Variants in GOPC observed in about 807,000 individuals in gnomAD.
GOPC encodes the protein Golgi-associated PDZ and coiled-coil motif-containing protein.
A neutral mutation model predicts 51.2 loss-of-function variants in GOPC; 32 were observed. The observed-to-expected ratio is 0.63, with a 90% confidence interval of 0.47 to 0.84. GOPC has a LOEUF of 0.84. Among genes scored for constraint, GOPC ranks in the 40% least tolerant of loss-of-function variants. GOPC has a pLI of 0.00. For missense variants in GOPC, 441 were observed against 555.5 expected (o/e 0.79, Z 2.07); for synonymous variants, 190 against 205.1 (o/e 0.93, Z 0.63).
chr6:117,568,973 GAAATA>G (rs977829979), intron 7 of GOPC, among the ~76,000 whole-genome samples: 7 of 152,244 alleles, frequency 4.6e-5, no homozygotes, highest in East Asian at 3.9e-4. Context: ...ATTCTTGAAA[GAAATA>G]AAATAAAACA....
At chr6:117,597,504 A>G (rs188097430) in intron 1 of GOPC, among the ~76,000 whole-genome samples, 149 of 152,326 alleles carry the variant, frequency 9.8e-4, no homozygotes, top group Middle Eastern at 3.4e-3. Context: ...TACTATTCCA[A>G]TCAATGCCTA....
intron 2 of GOPC, among the ~76,000 whole-genome samples, chr6:117,578,372 C>T (rs527382117): frequency 6.6e-6 from 1 of 152,198 alleles, no homozygotes; most frequent in African/African-American, 2.4e-5. Context: ...TTAGATTAAT[C>T]CTTCTTCCTG....
chr6:117,569,640 A>G lies in GOPC; in HGVS notation c.1009T>C (p.Leu337=), dbSNP rs1195174893. 2.5e-6 allele frequency: 4 copies of G among 1,613,246 alleles called. No individual in the cohort carries two copies. Among genetic ancestry groups the G allele is most frequent in the South Asian group, 1.1e-5 (1 of 90,880 alleles). ...CTTAGGTTAACTCCGTTGACTGCCAAAATAGCATCCCCAACGTGCAGCCCT... is the reference window on the plus strand; with the variant it reads ...CTTAGGTTAACTCCGTTGACTGCCAGAATAGCATCCCCAACGTGCAGCCCT... The part of the protein sequence containing the change: ...CGGLHVGDAI[L]AVNGVNLRDT... Residue 337 remains leucine (L), a synonymous_variant, in exon 7 of 9, where the codon TTG becomes CTG. Coordinates refer to ENST00000368498, the MANE Select transcript of GOPC (RefSeq NM_020399.4).
Position 117,562,543 on chromosome 6 carries a change from A to T in GOPC, c.*711T>A, listed in dbSNP as rs903321012. 1 of 203,312 alleles carries T rather than the reference A, an allele frequency of 4.9e-6. No homozygotes were observed. The highest frequency in any genetic ancestry group is 2.3e-5 in the African/African-American group (1 of 43,656). 12.6% of individuals were successfully genotyped at this position (203,312 alleles called of 1,614,324 possible). A position where few individuals can be genotyped will look rare whatever the true frequency, so the allele number is the denominator to read the frequency against. On this transcript the variant is annotated 3_prime_UTR_variant, in exon 9 of 9. Transcript: ENST00000368498. Reference sequence around the variant, plus strand: ...ACATAATTGAGAACAGATGTTTTACACTCATCTGCATTTCTTTTAAAAAAC... The same window carrying T: ...ACATAATTGAGAACAGATGTTTTACTCTCATCTGCATTTCTTTTAAAAAAC...
chr6:117,583,358 C>T (rs544094347), intron 1 of GOPC, among the ~76,000 whole-genome samples: 2 of 152,306 alleles, frequency 1.3e-5, no homozygotes, highest in South Asian at 2.1e-4. Flanking sequence ...ATACCTTCTC[C>T]CATCCTGTGG....
intron 1 of GOPC, among the ~76,000 whole-genome samples, chr6:117,584,697 G>A (rs1292133392): frequency 6.6e-6 from 1 of 150,892 alleles, no homozygotes; most frequent in African/African-American, 2.4e-5. Context: ...TTGGATGCCC[G>A]TCCCCTCCAA....
Position 117,575,340 on chromosome 6 carries a change from C to T in GOPC, c.487G>A (p.Glu163Lys). 6 of 1,606,352 alleles carry T rather than the reference C, an allele frequency of 3.7e-6. No homozygotes were observed. The highest frequency in any genetic ancestry group is 5.1e-6 in the Non-Finnish European group (6 of 1,176,066). ...PSVEELEREL[E>K]ANKKEKMKEA... Reference sequence around the variant, plus strand: ...TTCATTTTTTCTTTTTTGTTTGCCTCAAGCTCTCTTTCCTATGTAATTTTT... The same window carrying T: ...TTCATTTTTTCTTTTTTGTTTGCCTTAAGCTCTCTTTCCTATGTAATTTTT... Residue 163 changes from glutamate (E) to lysine (K), a missense_variant, in exon 4 of 9, where the codon GAG becomes AAG. Around this residue, in one of 3 missense-constraint regions of GOPC, gnomAD observed 204 missense variants for 219.8 expected, o/e 0.93. Coordinates refer to ENST00000368498, the MANE Select transcript of GOPC (RefSeq NM_020399.4).
At chr6:117,576,357 T>A (rs1346535779) in intron 3 of GOPC, among the ~76,000 whole-genome samples, 2 of 152,036 alleles carry the variant, frequency 1.3e-5, no homozygotes, top group African/African-American at 4.8e-5. Context: ...AAAAACTCAA[T>A]CTAGAATCCT....
At chr6:117,596,571 C>A (rs1029925440) in intron 1 of GOPC, among the ~76,000 whole-genome samples, 5 of 152,092 alleles carry the variant, frequency 3.3e-5, no homozygotes, top group Admixed American at 6.5e-5. Context: ...TTTTTATATA[C>A]GGTAAGAGAG....
intron 1 of GOPC, among the ~76,000 whole-genome samples, chr6:117,582,706 C>T (rs1341271029): frequency 1.3e-5 from 2 of 149,960 alleles, no homozygotes; most frequent in African/African-American, 4.9e-5. Flanking sequence ...CCACTTTCAT[C>T]ACTCAATAAA....
chr6:117,601,811 G>A (rs995524720), intron 1 of GOPC, among the ~76,000 whole-genome samples, 193 bp downstream of exon 1: 2 of 152,072 alleles, frequency 1.3e-5, no homozygotes, highest in African/African-American at 4.8e-5. Context: ...CAGTACCCCG[G>A]GAACTCACAC....
At chr6:117,577,325 T>C in intron 3 of GOPC, 123 bp downstream of exon 3, 2 of 851,782 alleles carry the variant, frequency 2.3e-6, no homozygotes, top group Non-Finnish European at 1.8e-6. Context: ...ACTGGAACAT[T>C]AAAAAATTGC....
rs1336303631 is a variant in GOPC, at chr6:117,560,394, A to G, written c.*2860T>C. 2 of 185,792 alleles carry G rather than the reference A, an allele frequency of 1.1e-5. No homozygotes were observed. Among genetic ancestry groups the G allele is most frequent in the African/African-American group, 4.7e-5 (2 of 42,720 alleles). 11.5% of individuals were successfully genotyped at this position (185,792 alleles called of 1,614,324 possible). A position where few individuals can be genotyped will look rare whatever the true frequency, so the allele number is the denominator to read the frequency against. On this transcript the variant is annotated 3_prime_UTR_variant, in exon 9 of 9. Transcript: ENST00000368498. ...TAAACTCAACTAGATATAATACATTATCATAAATGCAATAGATTTGAGGCC... is the reference window on the plus strand; with the variant it reads ...TAAACTCAACTAGATATAATACATTGTCATAAATGCAATAGATTTGAGGCC...
Position 117,569,558 on chromosome 6 carries a change from T to C in GOPC, c.1077+14A>G. 6.2e-7 allele frequency: 1 copy of C among 1,611,478 alleles called. No homozygotes were observed. The highest frequency in any genetic ancestry group is 8.5e-7 in the Non-Finnish European group (1 of 1,178,900). ...ATTGATAGATCCAGTTCTAATTACA[T>C]GAAGGGAATTTACCTGCTGAGAAAG... On this transcript the variant is annotated intron_variant, in intron 7 of 8. Transcript: ENST00000368498.
chr6:117,597,801 A>T (rs754868748), intron 1 of GOPC, among the ~76,000 whole-genome samples: 37 of 152,292 alleles, frequency 2.4e-4, no homozygotes, highest in Admixed American at 5.2e-4. Flanking sequence ...GGAAATCAGT[A>T]TCTTGAACAA....
At chr6:117,593,093 A>G (rs1780143099) in intron 1 of GOPC, among the ~76,000 whole-genome samples, 1 of 152,176 alleles carries the variant, frequency 6.6e-6, no homozygotes, top group African/African-American at 2.4e-5. Context: ...AATTTATGAT[A>G]ACTAACCCCA....
chr6:117,591,568 T>C (rs1419072835), intron 1 of GOPC, among the ~76,000 whole-genome samples: 1 of 152,018 alleles, frequency 6.6e-6, no homozygotes, highest in Non-Finnish European at 1.5e-5. Flanking sequence ...ATGACGTAAG[T>C]GGAGTCTTGA....
Position 117,566,945 on chromosome 6 carries a change from A to G in GOPC, c.1167T>C (p.His389=). The change falls in exon 8 of 9, where the codon CAT becomes CAC. Residue 389 remains histidine, a synonymous_variant. Transcript: ENST00000368498. ...ACTCATCAAGGTACAAACGGTAACGATGTCCACTCTCATCTTCATACTCTA... is the reference window on the plus strand; with the variant it reads ...ACTCATCAAGGTACAAACGGTAACGGTGTCCACTCTCATCTTCATACTCTA... ...ENVEYEDESG[H]RYRLYLDELE... 6.2e-7 allele frequency: 1 copy of G among 1,611,974 alleles called. No homozygotes were observed. Among genetic ancestry groups the G allele is most frequent in the Non-Finnish European group, 8.5e-7 (1 of 1,179,024 alleles).
At chr6:117,586,967 A>G (rs1221349805) in intron 1 of GOPC, among the ~76,000 whole-genome samples, 1 of 152,096 alleles carries the variant, frequency 6.6e-6, no homozygotes, top group Non-Finnish European at 1.5e-5. Context: ...TCTTTCTTCT[A>G]TGTGCCTGAG....
Sources: allele counts gnomAD v4.1 joint callset (sites outside exome capture counted in the v4.1 genomes callset), GRCh38; gene constraint gnomAD v4.1.1; regional missense constraint gnomAD v4.1.1; transcripts MANE v1.5; gene names NCBI Gene and HGNC (gene_info 2026-07-23, HGNC 2026-07-21).